MIGA1: variants seen among roughly 807,000 people sequenced by gnomAD.
MIGA1 encodes the protein mitoguardin 1.
Under a neutral mutation model 82.0 loss-of-function variants are expected in MIGA1, and 58 were observed. The ratio of observed to expected loss-of-function variants is 0.71; its 90% CI spans 0.57 to 0.88. MIGA1 has a LOEUF of 0.88. MIGA1 is among the 40% of genes least tolerant of loss of function. MIGA1 has a pLI of 0.00. For missense variants in MIGA1, 751 were observed against 749.1 expected, an observed-to-expected ratio of 1.00 and a Z score of -0.03; for synonymous variants, 249 against 253.6, an observed-to-expected ratio of 0.98 and a Z score of 0.17.
chr1:77,781,989 ATTT>A (rs560096907), intron 1 of MIGA1, among the ~76,000 whole-genome samples: 1 of 145,348 alleles, frequency 6.9e-6, no homozygotes, highest in Non-Finnish European at 1.5e-5. Flanking sequence ...GTAGCAAATA[ATTT>A]TTTTTTTTTT....
intron 3 of MIGA1, among the ~76,000 whole-genome samples, chr1:77,802,484 GA>G (rs1184022854): frequency 6.6e-6 from 1 of 152,176 alleles, no homozygotes; most frequent in Non-Finnish European, 1.5e-5. Context: ...GCTGCATTAA[GA>G]AAAACTTGTG....
intron 8 of MIGA1, chr1:77,847,949 G>T (rs536397831): frequency 1.5e-6 from 2 of 1,298,960 alleles, no homozygotes. Flanking sequence ...GGAAAAGGTC[G>T]TAGAGACCCC....
chr1:77,781,155 C>T (rs1681898136), intron 1 of MIGA1, among the ~76,000 whole-genome samples: 1 of 152,014 alleles, frequency 6.6e-6, no homozygotes, highest in Non-Finnish European at 1.5e-5. Context: ...CTGATCCACC[C>T]ACCTCGGCCT....
At chr1:77,841,468 A>C (rs1178125635) in intron 7 of MIGA1, among the ~76,000 whole-genome samples, 1 of 150,396 alleles carries the variant, frequency 6.6e-6, no homozygotes, top group Admixed American at 6.6e-5. Flanking sequence ...CTATACTAGG[A>C]ATTCTATACT....
At position 77,876,213 on chromosome 1, in the gene MIGA1, G is replaced by A. The variant is rs1348128213; in HGVS notation, c.*1149G>A. ...TGGTCCCAGCTACTTGGGAGGCTGAGGTGGGAGGATCACTTGAGTCCAGAA... is the reference window on the plus strand; with the variant it reads ...TGGTCCCAGCTACTTGGGAGGCTGAAGTGGGAGGATCACTTGAGTCCAGAA... On this transcript the variant is annotated 3_prime_UTR_variant, in exon 16 of 16. Coordinates refer to ENST00000370791, the MANE Select transcript of MIGA1 (RefSeq NM_198549.4). 2 of 152,180 alleles carry A rather than the reference G, an allele frequency of 1.3e-5. No individual in the cohort carries two copies. Among genetic ancestry groups the A allele is most frequent in the Non-Finnish European group, 2.9e-5 (2 of 68,094 alleles). The allele number at this position is 152,180 out of a possible 1,614,324, so 9.4% of individuals were successfully genotyped here.
chr1:77,798,867 A>G (rs980866390), intron 2 of MIGA1, among the ~76,000 whole-genome samples: 8 of 152,214 alleles, frequency 5.3e-5, no homozygotes, highest in African/African-American at 1.7e-4. Context: ...CTGGGACACT[A>G]TTCAACCTAC....
At chr1:77,831,261 C>T (rs774419714) in intron 7 of MIGA1, among the ~76,000 whole-genome samples, 4 of 152,064 alleles carry the variant, frequency 2.6e-5, no homozygotes, top group South Asian at 4.1e-4. Context: ...TCAAGTTTCA[C>T]GTAAGAAGAT....
rs977630288 is a variant in MIGA1, at chr1:77,812,080, G to A, written c.638-1654G>A. Among the ~76,000 whole-genome samples the A allele has an allele frequency of 5.3e-5, 8 of 152,220 alleles. No individual in the cohort carries two copies. The East Asian group carries it at 1.3e-3, about 26-fold the overall frequency. On this transcript the variant is annotated intron_variant, in intron 5 of 15. Transcript: ENST00000370791. Reference sequence around the variant, plus strand: ...TGTAATCCCATAACTTAGGGAGGCTGTGGTGGGAGGATTGCTTGAGCCCAG... The same window carrying A: ...TGTAATCCCATAACTTAGGGAGGCTATGGTGGGAGGATTGCTTGAGCCCAG...
chr1:77,844,125 T>C (rs113062929), intron 8 of MIGA1, among the ~76,000 whole-genome samples: 1 of 116,806 alleles, frequency 8.6e-6, no homozygotes, highest in Non-Finnish European at 1.7e-5. Context: ...TATATATATA[T>C]ATATATATAT....
intron 2 of MIGA1, among the ~76,000 whole-genome samples, chr1:77,784,816 G>A (rs1382609723): frequency 2.0e-5 from 3 of 152,170 alleles, no homozygotes. Context: ...CACAATCATG[G>A]TGGAAGGTGA....
Position 77,851,876 on chromosome 1 carries a change from CT to C in MIGA1, c.997-7044del, listed in dbSNP as rs374230686. On this transcript the variant is annotated intron_variant, in intron 8 of 15. Transcript: ENST00000370791. ...ATTGGAGCCCAGTTTAGTTTTCTTT[CT>C]TTTTTTTTTTTTTTTTTGAGACAGA... 6.6e-4 allele frequency among the ~76,000 whole-genome samples: 80 copies of C among 120,352 alleles called. 1 individual carries two copies. Among genetic ancestry groups the C allele is most frequent in the African/African-American group, 1.5e-3 (49 of 33,120 alleles). The allele number at this position is 120,352 out of a possible 152,430, so 79.0% of individuals were successfully genotyped here.
chr1:77,782,885 G>A (rs12743775), intron 1 of MIGA1: 3 of 983,802 alleles, frequency 3.0e-6, no homozygotes, highest in Middle Eastern at 5.2e-4. Flanking sequence ...TGAATGAGAA[G>A]TAAATTTTAA....
intron 7 of MIGA1, among the ~76,000 whole-genome samples, chr1:77,825,089 A>G (rs1270019026): frequency 2.7e-5 from 4 of 150,154 alleles, no homozygotes; most frequent in Non-Finnish European, 5.9e-5. Context: ...CCAGGGTTCA[A>G]GTGATTCTCT....
intron 12 of MIGA1, chr1:77,862,241 G>A (rs982039230): frequency 1.4e-5 from 2 of 147,116 alleles, no homozygotes; most frequent in African/African-American, 5.1e-5. Flanking sequence ...GAGGTCAGGA[G>A]TTCGAGACCA....
At chr1:77,804,078 TAA>T (rs1464341293) in intron 4 of MIGA1, among the ~76,000 whole-genome samples, 2 of 152,112 alleles carry the variant, frequency 1.3e-5, no homozygotes, top group Non-Finnish European at 2.9e-5. Context: ...AAATTAAAAT[TAA>T]AAAGAGTTAT....
At chr1:77,852,043 C>A (rs1489203677) in intron 8 of MIGA1, among the ~76,000 whole-genome samples, 1 of 151,996 alleles carries the variant, frequency 6.6e-6, no homozygotes, top group African/African-American at 2.4e-5. Flanking sequence ...TGCCACCATA[C>A]CCGGCTAATT....
intron 2 of MIGA1, among the ~76,000 whole-genome samples, chr1:77,798,454 C>T (rs1382309543): frequency 4.6e-5 from 7 of 152,276 alleles, no homozygotes; most frequent in Non-Finnish European, 1.0e-4. Context: ...TCTTCCATGG[C>T]GGCAGACAAG....
intron 14 of MIGA1, among the ~76,000 whole-genome samples, chr1:77,869,943 G>A (rs1318997725): frequency 7.3e-6 from 1 of 137,432 alleles, no homozygotes; most frequent in Non-Finnish European, 1.6e-5. Context: ...TCCCGGACGG[G>A]GCGGCTGGCC....
intron 2 of MIGA1, among the ~76,000 whole-genome samples, chr1:77,784,227 GTATT>G (rs925408279): frequency 1.8e-4 from 28 of 152,016 alleles, no homozygotes; most frequent in Middle Eastern, 3.4e-3. Flanking sequence ...ATTTATTTAT[GTATT>G]TATTTATTTA....
Sources: gnomAD v4.1 joint callset for allele counts (sites outside exome capture counted in the v4.1 genomes callset) on GRCh38, gnomAD v4.1.1 for gene constraint, MANE v1.5 for transcripts, NCBI Gene and HGNC (gene_info 2026-07-23, HGNC 2026-07-21) for gene names.